NFIA: variants seen among roughly 807,000 people sequenced by gnomAD.
The protein encoded by NFIA is nuclear factor 1 A-type.
In NFIA, 8 loss-of-function variants were observed where a neutral mutation model predicts 62.8. The observed-to-expected ratio is 0.13, with a 90% CI of 0.07 to 0.23. NFIA has a LOEUF of 0.23. NFIA is among the 10% of genes least tolerant of loss of function. The pLI, the probability that NFIA is intolerant of heterozygous loss-of-function variation, is 1.00. For synonymous variants in NFIA, 235 were observed against 238.1 expected, an observed-to-expected ratio of 0.99 and a Z score of 0.12; for missense variants, 410 against 642.1, an observed-to-expected ratio of 0.64 and a Z score of 3.91.
intron 2 of NFIA, among the ~76,000 whole-genome samples, chr1:61,219,877 C>T (rs1215041721): frequency 6.6e-6 from 1 of 152,044 alleles, no homozygotes; most frequent in African/African-American, 2.4e-5. Context: ...GCAGGAGAAT[C>T]ACTTGGACCC....
At chr1:61,282,665 C>T (rs1400353608) in intron 3 of NFIA, among the ~76,000 whole-genome samples, 2 of 152,084 alleles carry the variant, frequency 1.3e-5, no homozygotes, top group Non-Finnish European at 2.9e-5. Context: ...GAAAACACAC[C>T]CCCACTGGCT....
intron 6 of NFIA, among the ~76,000 whole-genome samples, chr1:61,380,556 A>G (rs1664365771): frequency 6.6e-6 from 1 of 152,220 alleles, no homozygotes; most frequent in African/African-American, 2.4e-5. Flanking sequence ...AACAGAAAGC[A>G]GTTTACTAGC....
At chr1:61,302,915 A>G (rs781430964) in intron 3 of NFIA, among the ~76,000 whole-genome samples, 1 of 152,112 alleles carries the variant, frequency 6.6e-6, no homozygotes, top group Admixed American at 6.5e-5. Context: ...TTTTTCACCA[A>G]CCTGTTCTCA....
intron 2 of NFIA, among the ~76,000 whole-genome samples, chr1:61,171,012 CATGT>C (rs534607582): frequency 1.3e-5 from 2 of 152,142 alleles, no homozygotes; most frequent in South Asian, 4.2e-4. Flanking sequence ...TGCTCTGTGG[CATGT>C]GTGTGTGTGT....
intron 3 of NFIA, among the ~76,000 whole-genome samples, chr1:61,318,554 T>TG (rs1300795362): frequency 1.3e-5 from 2 of 152,198 alleles, no homozygotes; most frequent in Non-Finnish European, 2.9e-5. Flanking sequence ...TATGTGAGCT[T>TG]GGCAGACGCT....
chr1:61,195,277 C>G (rs1464881277), intron 2 of NFIA, among the ~76,000 whole-genome samples: 1 of 152,124 alleles, frequency 6.6e-6, no homozygotes, highest in Non-Finnish European at 1.5e-5. Flanking sequence ...ATGACAGGGT[C>G]TTACGGCATC....
Position 61,088,174 on chromosome 1 carries a change from C to T in NFIA, c.53C>T (p.Ala18Val). 1 of 1,606,640 alleles carries T rather than the reference C, an allele frequency of 6.2e-7. No individual in the cohort carries two copies. ...TQDEFHPFIE[A>V]LLPHVRAFAY... is the part of the protein sequence containing the mutation. ...GATGAATTTCATCCTTTCATCGAAGCACTTCTGCCCCACGTCCGAGCCTTT... is the reference window on the plus strand; with the variant it reads ...GATGAATTTCATCCTTTCATCGAAGTACTTCTGCCCCACGTCCGAGCCTTT... The change falls in exon 2 of 11, where the codon GCA becomes GTA. Residue 18 changes from alanine (A) to valine (V), a missense_variant. Transcript: ENST00000403491. This position sits in a 1 kb window ranked among gnomAD's most constrained non-coding sequence, Gnocchi z 4.5.
chr1:61,112,905 T>C (rs562396864), intron 2 of NFIA, among the ~76,000 whole-genome samples: 8 of 152,266 alleles, frequency 5.3e-5, no homozygotes, highest in African/African-American at 1.9e-4. Context: ...GAATTTAGGA[T>C]TTTTTATTGT....
intron 2 of NFIA, among the ~76,000 whole-genome samples, chr1:61,138,068 T>C (rs775779310): frequency 1.3e-5 from 2 of 152,024 alleles, no homozygotes; most frequent in Admixed American, 6.6e-5. Flanking sequence ...TCCAATTTCT[T>C]AGTAAAACAA....
At chr1:61,317,045 C>CA (rs1237027448) in intron 3 of NFIA, among the ~76,000 whole-genome samples, 3 of 151,562 alleles carry the variant, frequency 2.0e-5, no homozygotes, top group South Asian at 4.2e-4. Flanking sequence ...AACTTTTTTT[C>CA]AAAAAAATAC....
chr1:61,185,976 C>T (rs1651150061), intron 2 of NFIA, among the ~76,000 whole-genome samples: 1 of 152,174 alleles, frequency 6.6e-6, no homozygotes, highest in Admixed American at 6.5e-5. Context: ...ACTACGTTTA[C>T]TACCTTCTTT....
At chr1:61,208,855 A>T (rs1653060554) in intron 2 of NFIA, among the ~76,000 whole-genome samples, 1 of 152,194 alleles carries the variant, frequency 6.6e-6, no homozygotes, top group Non-Finnish European at 1.5e-5. Context: ...GAAGATGTTA[A>T]AAAGGGCTCA....
intron 2 of NFIA, among the ~76,000 whole-genome samples, chr1:61,270,090 C>T (rs1433061896): frequency 6.6e-6 from 1 of 152,156 alleles, no homozygotes; most frequent in East Asian, 1.9e-4. Context: ...ATGTTTTATA[C>T]TAGAATCACA....
At chr1:61,083,611 G>C (rs1646160859) in intron 1 of NFIA, among the ~76,000 whole-genome samples, 1 of 151,808 alleles carries the variant, frequency 6.6e-6, no homozygotes, top group African/African-American at 2.4e-5. Context: ...TGGCTCTCCC[G>C]GAGTGAAAGT....
rs1668538941 is a variant in NFIA at position 61,461,753 on chromosome 1, C to A, written c.*6433C>A. 1 of 152,204 alleles carries A rather than the reference C, an allele frequency of 6.6e-6. No individual in the cohort carries two copies. The highest frequency in any genetic ancestry group is 2.4e-5 in the African/African-American group (1 of 41,454). 9.4% of individuals were successfully genotyped at this position (152,204 alleles called of 1,614,324 possible). A position where few individuals can be genotyped will look rare whatever the true frequency, so the allele number is the denominator to read the frequency against. Reference sequence around the variant, plus strand: ...ACTTTCCCAAAATGTGTCTGAACCACAAGAGCATACAGTGGAAGTGCTACC... The same window carrying A: ...ACTTTCCCAAAATGTGTCTGAACCAAAAGAGCATACAGTGGAAGTGCTACC... On this transcript the variant is annotated 3_prime_UTR_variant, in exon 11 of 11. Transcript: ENST00000403491.
In NFIA at chr1:61,088,838, C is replaced by T. The variant is rs543764229; in HGVS notation, c.559+158C>T. 1.3e-5 allele frequency among the ~76,000 whole-genome samples: 2 copies of T among 152,298 alleles called. No homozygotes were observed. Among genetic ancestry groups the T allele is most frequent in the South Asian group, 2.1e-4 (1 of 4,826 alleles). ...GATTGAGAGAGGTGCCACCTTCATT[C>T]AGGTGAAAAAGCATAGCTTTGAGCG... On this transcript the variant is annotated intron_variant, in intron 2 of 10. Transcript: ENST00000403491. This position sits in a 1 kb window ranked among gnomAD's most constrained non-coding sequence, Gnocchi z 4.5.
chr1:61,395,871 T>C (rs1055637908), intron 7 of NFIA, among the ~76,000 whole-genome samples: 6 of 152,202 alleles, frequency 3.9e-5, no homozygotes, highest in Non-Finnish European at 5.9e-5. Context: ...AAAGACTGAG[T>C]CTAGATATAC....
intron 7 of NFIA, among the ~76,000 whole-genome samples, chr1:61,395,733 G>A (rs1451420215): frequency 6.6e-6 from 1 of 152,134 alleles, no homozygotes; most frequent in African/African-American, 2.4e-5. Flanking sequence ...GTGAGAATAT[G>A]GTCAATTTTG....
chr1:61,409,505 A>AT (rs1164927194), intron 9 of NFIA, among the ~76,000 whole-genome samples: 1 of 152,146 alleles, frequency 6.6e-6, no homozygotes, highest in East Asian at 1.9e-4. Context: ...TTTGGAGGGG[A>AT]TTTAAGGGCC....
Sources: gnomAD v4.1 joint callset for allele counts (sites outside exome capture counted in the v4.1 genomes callset) on GRCh38, gnomAD v4.1.1 for gene constraint, Gnocchi (gnomAD v3.1) non-coding constraint, MANE v1.5 for transcripts, NCBI Gene and HGNC (gene_info 2026-07-23, HGNC 2026-07-21) for gene names.